The following ZNF385C variants were observed in gnomAD, a reference collection of about 807,000 sequenced individuals.
ZNF385C encodes CTD-2132N18.2.
Under a neutral mutation model 35.4 loss-of-function variants are expected in ZNF385C, and 28 were observed. The ratio of observed to expected loss-of-function variants is 0.79; its 90% CI spans 0.59 to 1.08. ZNF385C has a LOEUF of 1.08. ZNF385C is among the 50% of genes least tolerant of loss of function. ZNF385C has a pLI of 0.00. For synonymous variants in ZNF385C, 248 were observed against 248.2 expected (o/e 1.00, Z 0.01); for missense variants, 605 against 595.6 (o/e 1.02, Z -0.16).
chr17:42,032,700 G>A lies in ZNF385C; in HGVS notation c.511-916C>T, dbSNP rs374307858. 6.6e-5 allele frequency among the ~76,000 whole-genome samples: 10 copies of A among 151,714 alleles called. No homozygotes were observed. In the East Asian group the frequency reaches 1.2e-3, roughly 18 times the overall value. Reference sequence around the variant, plus strand: ...AGAAGAATGGTTCCTCCCTCAGAACGAATTCTCTCCTCCATCTTTTTTTTT... The same window carrying A: ...AGAAGAATGGTTCCTCCCTCAGAACAAATTCTCTCCTCCATCTTTTTTTTT... On this transcript the variant is annotated intron_variant, in intron 4 of 8. Transcript: ENST00000692273.
intron 3 of ZNF385C, among the ~76,000 whole-genome samples, chr17:42,035,704 A>G (rs1265580007): frequency 6.6e-6 from 1 of 151,328 alleles, no homozygotes; most frequent in Non-Finnish European, 1.5e-5. Context: ...GGCGCCCACC[A>G]CTACGTCTGG....
intron 1 of ZNF385C, among the ~76,000 whole-genome samples, chr17:42,086,082 A>ATACATT (rs1210608815): frequency 6.6e-6 from 1 of 152,038 alleles, no homozygotes; most frequent in Non-Finnish European, 1.5e-5. Context: ...AATAATAACA[A>ATACATT]TACATTTAAA....
chr17:42,063,117 G>T (rs1189949582), intron 1 of ZNF385C, 59 bp from the exon 2 acceptor site: 3 of 566,706 alleles, frequency 5.3e-6, no homozygotes, highest in Admixed American at 6.4e-5. Flanking sequence ...CTTAGAGAGA[G>T]CAGGAGGGGC....
intron 2 of ZNF385C, chr17:42,038,125 C>G: frequency 6.7e-7 from 1 of 1,497,954 alleles, no homozygotes; most frequent in Non-Finnish European, 8.9e-7. Flanking sequence ...AGGGATGACC[C>G]TCCTGCCCCT....
intron 1 of ZNF385C, among the ~76,000 whole-genome samples, chr17:42,078,069 G>A (rs1017179342): frequency 1.3e-5 from 2 of 152,154 alleles, no homozygotes; most frequent in African/African-American, 2.4e-5. Flanking sequence ...CACAGTGACC[G>A]GGACATAAAT....
chr17:42,071,585 A>G (rs1304582882), intron 1 of ZNF385C, among the ~76,000 whole-genome samples: 1 of 152,184 alleles, frequency 6.6e-6, no homozygotes, highest in African/African-American at 2.4e-5. Context: ...GTGGCAACAC[A>G]GAGCAGCTGC....
At chr17:42,079,068 G>A (rs2143921784) in intron 1 of ZNF385C, among the ~76,000 whole-genome samples, 1 of 151,552 alleles carries the variant, frequency 6.6e-6, no homozygotes, top group African/African-American at 2.4e-5. Flanking sequence ...TACTAGCCCG[G>A]CACGGTGGCT....
chr17:42,041,266 G>C, intron 2 of ZNF385C: 27 of 1,183,352 alleles, frequency 2.3e-5, no homozygotes, highest in Non-Finnish European at 2.9e-5. Flanking sequence ...GCAGTGCGGG[G>C]TGGTGGAAAG....
At chr17:42,044,508 C>T (rs1407504521) in intron 2 of ZNF385C, among the ~76,000 whole-genome samples, 4 of 150,612 alleles carry the variant, frequency 2.7e-5, no homozygotes, top group Non-Finnish European at 5.9e-5. Flanking sequence ...CCCAGCTACT[C>T]GGGAGGCTGA....
chr17:42,058,011 G>A (rs11869359), intron 2 of ZNF385C, among the ~76,000 whole-genome samples: 8 of 152,074 alleles, frequency 5.3e-5, no homozygotes, highest in East Asian at 3.9e-4. Flanking sequence ...AGGGTAAGTC[G>A]GGGCAGTGCT....
At chr17:42,086,780 GTTTGT>G (rs1271416177) in intron 1 of ZNF385C, among the ~76,000 whole-genome samples, 1 of 147,970 alleles carries the variant, frequency 6.8e-6, no homozygotes, top group Non-Finnish European at 1.5e-5. Context: ...ACAAATGTAA[GTTTGT>G]TTTATTAGTT....
chr17:42,040,902 G>A (rs2053003215), intron 2 of ZNF385C: 2 of 1,232,230 alleles, frequency 1.6e-6, no homozygotes, highest in Non-Finnish European at 2.0e-6. Context: ...CACTCCCCAG[G>A]CGCTCACTGG....
chr17:42,061,148 C>T (rs1555657980), intron 2 of ZNF385C: 1 of 151,636 alleles, frequency 6.6e-6, no homozygotes, highest in Non-Finnish European at 1.5e-5. Flanking sequence ...ACATGAATCT[C>T]CCAAAAGCAG....
chr17:42,043,705 A>C (rs1261249435), intron 2 of ZNF385C: 1 of 237,142 alleles, frequency 4.2e-6, no homozygotes, highest in African/African-American at 2.2e-5. Flanking sequence ...GGCTCTGGGC[A>C]GTGGGTGGAG....
rs1358957275 is a variant in ZNF385C at position 42,050,364 on chromosome 17, C to G, written c.250+12443G>C. ...ACAGCCCTGGTGAGAAGGGGCTCCC[C>G]TGCACCTCTTCTCACGCATCCTCCC... On this transcript the variant is annotated intron_variant, in intron 2 of 8. Transcript: ENST00000692273. This position sits in a 1 kb window ranked among gnomAD's most constrained non-coding sequence, Gnocchi z 5.6. Among the ~76,000 whole-genome samples, 4 of 152,106 alleles carry G rather than the reference C, an allele frequency of 2.6e-5. No homozygotes were observed. Among genetic ancestry groups the G allele is most frequent in the African/African-American group, 9.7e-5 (4 of 41,438 alleles).
intron 2 of ZNF385C, among the ~76,000 whole-genome samples, chr17:42,054,826 C>A (rs554867596): frequency 6.6e-6 from 1 of 152,224 alleles, no homozygotes; most frequent in South Asian, 2.1e-4. Flanking sequence ...AAATGATCCA[C>A]CTGCCTTGGC....
At chr17:42,039,923 C>A (rs905593220) in intron 2 of ZNF385C, 2 of 1,231,264 alleles carry the variant, frequency 1.6e-6, no homozygotes, top group Non-Finnish European at 1.0e-6. Flanking sequence ...AGCGCCAAAG[C>A]CAAGGCGGCT....
At chr17:42,048,424 A>C (rs1310068446) in intron 2 of ZNF385C, among the ~76,000 whole-genome samples, 1 of 151,852 alleles carries the variant, frequency 6.6e-6, no homozygotes, top group African/African-American at 2.4e-5. Context: ...ATATGCCTAT[A>C]GTCCCAGCTA....
At chr17:42,041,500 T>C (rs1156300577) in intron 2 of ZNF385C, among the ~76,000 whole-genome samples, 1 of 152,192 alleles carries the variant, frequency 6.6e-6, no homozygotes, top group Non-Finnish European at 1.5e-5. Context: ...GCCCGAAATC[T>C]TCTCAAAGCT....
Sources: gnomAD v4.1 joint callset for allele counts (sites outside exome capture counted in the v4.1 genomes callset) on GRCh38, gnomAD v4.1.1 for gene constraint, Gnocchi (gnomAD v3.1) non-coding constraint, MANE v1.5 for transcripts, NCBI Gene and HGNC (gene_info 2026-07-23, HGNC 2026-07-21) for gene names.